The following MSH3 variants were observed in gnomAD, a reference collection of about 807,000 sequenced individuals.
MSH3 encodes the protein DNA mismatch repair protein Msh3.
MSH3 carries 106 observed loss-of-function variants against 123.3 expected under a neutral mutation model. The observed-to-expected ratio is 0.86, with a 90% CI of 0.73 to 1.01. MSH3 has a LOEUF of 1.01. Ranked by LOEUF, MSH3 falls within the 50% of genes least tolerant of loss-of-function variation. The probability of loss-of-function intolerance (pLI) is 0.00; values close to 1 mark genes in which losing one functional copy is unlikely to be tolerated. For synonymous variants in MSH3, 515 were observed against 481.4 expected (o/e 1.07, Z -0.91); for missense variants, 1,459 against 1,347.6 (o/e 1.08, Z -1.29).
At chr5:80,848,866 C>T (rs1745774525) in intron 20 of MSH3, among the ~76,000 whole-genome samples, 1 of 152,176 alleles carries the variant, frequency 6.6e-6, no homozygotes, top group Admixed American at 6.5e-5. Context: ...CCAATCATGC[C>T]TTCCCAACAG....
At chr5:80,819,515 G>A (rs1210692728) in intron 20 of MSH3, among the ~76,000 whole-genome samples, 1 of 146,160 alleles carries the variant, frequency 6.8e-6, no homozygotes, top group Non-Finnish European at 1.5e-5. Context: ...TTTCGCTCCT[G>A]TCGCCCAAGC....
chr5:80,714,230 G>A (rs923887492), intron 8 of MSH3, among the ~76,000 whole-genome samples: 2 of 149,158 alleles, frequency 1.3e-5, no homozygotes, highest in African/African-American at 2.5e-5. Context: ...CCGCCTCCCG[G>A]GTTCAAGCGA....
intron 20 of MSH3, among the ~76,000 whole-genome samples, chr5:80,828,312 A>T (rs988854520): frequency 1.3e-5 from 2 of 152,134 alleles, no homozygotes; most frequent in Non-Finnish European, 2.9e-5. Context: ...TAACCCATTG[A>T]TTCATTACCC....
At chr5:80,709,429 T>C (rs574785966) in intron 8 of MSH3, among the ~76,000 whole-genome samples, 1 of 152,310 alleles carries the variant, frequency 6.6e-6, no homozygotes, top group South Asian at 2.1e-4. Flanking sequence ...GAGACCATCC[T>C]GGCTAACATG....
chr5:80,670,399 T>G (rs1749678384), intron 4 of MSH3, 90 bp downstream of exon 4: 1 of 1,296,658 alleles, frequency 7.7e-7, no homozygotes, highest in Admixed American at 1.8e-5. Flanking sequence ...TGACCTTATA[T>G]AAAAGCTGAT....
Position 80,656,415 on chromosome 5 carries a change from C to T in MSH3, c.242C>T (p.Thr81Ile). The change falls in exon 2 of 24, where the codon ACA (threonine) becomes ATA (isoleucine). Residue 81 changes from threonine (T) to isoleucine (I), a missense_variant. By Grantham distance (89) the Thr-to-Ile change is moderately conservative (BLOSUM62 -1). Coordinates refer to ENST00000265081, the MANE Select transcript of MSH3 (RefSeq NM_002439.5). ...FPPQLPPHIATEIDRRKKRPL... is the reference protein window; with the variant it reads ...FPPQLPPHIAIEIDRRKKRPL... ...TTTCTAACCTTCCCGATATAGGCTA[C>T]AGAAATTGACAGAAGAAAGAAGAGA... The T allele has an allele frequency of 6.2e-7, 1 of 1,614,026 alleles. No individual in the cohort carries two copies. The highest frequency in any genetic ancestry group is 1.1e-5 in the South Asian group (1 of 91,080).
chr5:80,788,944 A>C (rs1489071057), intron 18 of MSH3, among the ~76,000 whole-genome samples: 2 of 152,080 alleles, frequency 1.3e-5, no homozygotes, highest in Admixed American at 6.6e-5. Flanking sequence ...CTTTCTTGCT[A>C]TGCGTGTTCT....
At position 80,864,800 on chromosome 5, in the gene MSH3, C is replaced by T. The variant is rs765499143; in HGVS notation, c.3001-13C>T. The T allele has an allele frequency of 6.9e-6, 11 of 1,604,678 alleles. No homozygotes were observed. In the East Asian group the frequency reaches 2.5e-4, roughly 36 times the overall value. ...AAAAATGAAATAACATTTATTCTGT[C>T]TTATTGCTTTAGGTGAAATCCTTAA... On this transcript the variant is annotated splice_polypyrimidine_tract_variant and intron_variant, in intron 21 of 23. Transcript: ENST00000265081.
At chr5:80,769,055 C>G (rs1744172879) in intron 15 of MSH3, 52 bp downstream of exon 15, 2 of 1,505,346 alleles carry the variant, frequency 1.3e-6, no homozygotes, top group South Asian at 1.2e-5. Context: ...AGTAGAAAAG[C>G]TATTTTAAAA....
At chr5:80,711,695 C>T (rs1331707539) in intron 8 of MSH3, among the ~76,000 whole-genome samples, 1 of 151,720 alleles carries the variant, frequency 6.6e-6, no homozygotes. Flanking sequence ...CATTCTGTTG[C>T]CCAGGCTGGA....
Position 80,814,270 on chromosome 5 carries a change from T to TTTA in MSH3, c.2813+544_2813+546dup, listed in dbSNP as rs199914767. On this transcript the variant is annotated intron_variant, in intron 20 of 23. Transcript: ENST00000265081. ...TTAATTATTGAGTTATTTTATTTTATTTATTATTATTATTATTTGAGATGG... is the reference window on the plus strand; with the variant it reads ...TTAATTATTGAGTTATTTTATTTTATTTATTATTATTATTATTATTTGAGATGG... 8.8e-3 allele frequency among the ~76,000 whole-genome samples: 1,338 copies of TTTA among 151,972 alleles called. 25 individuals carry two copies. Among genetic ancestry groups the TTTA allele is most frequent in the African/African-American group, 0.031 (1,274 of 41,490 alleles).
chr5:80,802,543 A>G (rs952222367), intron 19 of MSH3, among the ~76,000 whole-genome samples: 1 of 152,110 alleles, frequency 6.6e-6, no homozygotes, highest in Non-Finnish European at 1.5e-5. Context: ...GGTATCCATC[A>G]CCTCAGGCAT....
At chr5:80,675,244 T>C (rs1749815021) in intron 7 of MSH3, 116 bp downstream of exon 7, 1 of 1,181,150 alleles carries the variant, frequency 8.5e-7, no homozygotes, top group East Asian at 2.4e-5. Context: ...CAGATAATTA[T>C]ACAAGAAAAA....
chr5:80,707,472 C>T (rs1346657915), intron 8 of MSH3, among the ~76,000 whole-genome samples: 2 of 152,052 alleles, frequency 1.3e-5, no homozygotes, highest in Non-Finnish European at 2.9e-5. Flanking sequence ...CCTATAATCC[C>T]AGCACTTTGG....
intron 19 of MSH3, among the ~76,000 whole-genome samples, chr5:80,810,060 A>C (rs1270986360): frequency 6.6e-6 from 1 of 151,568 alleles, no homozygotes; most frequent in African/African-American, 2.4e-5. Context: ...GGTCATACGT[A>C]ATTAACTGCT....
At chr5:80,831,446 A>G (rs1745415591) in intron 20 of MSH3, among the ~76,000 whole-genome samples, 1 of 152,046 alleles carries the variant, frequency 6.6e-6, no homozygotes, top group African/African-American at 2.4e-5. Flanking sequence ...ATTTCATTCC[A>G]TTTCTGAGTT....
At chr5:80,665,407 G>A (rs541207361) in intron 3 of MSH3, 44 bp downstream of exon 3, 2 of 1,441,126 alleles carry the variant, frequency 1.4e-6, no homozygotes, top group South Asian at 2.4e-5. Flanking sequence ...CTAGAATAGT[G>A]GGTTCTGAAG....
chr5:80,853,112 C>G (rs757187707), intron 20 of MSH3, among the ~76,000 whole-genome samples: 10 of 152,002 alleles, frequency 6.6e-5, no homozygotes, highest in Non-Finnish European at 8.8e-5. Flanking sequence ...GCAAGGTGCT[C>G]TGGAAGACAT....
At chr5:80,812,219 G>A (rs1580065428) in intron 19 of MSH3, among the ~76,000 whole-genome samples, 1 of 152,292 alleles carries the variant, frequency 6.6e-6, no homozygotes, top group East Asian at 1.9e-4. Flanking sequence ...TACAGCTTTA[G>A]GGATGGAACA....
Sources: gnomAD v4.1 joint callset for allele counts (sites outside exome capture counted in the v4.1 genomes callset) on GRCh38, gnomAD v4.1.1 for gene constraint, MANE v1.5 for transcripts, NCBI Gene and HGNC (gene_info 2026-07-23, HGNC 2026-07-21) for gene names.